CEBPZ: variants seen among roughly 807,000 people sequenced by gnomAD.
CEBPZ encodes CCAAT enhancer binding protein zeta, also known as CCAAT/enhancer-binding protein zeta.
CEBPZ carries 78 observed loss-of-function variants against 104.5 expected under a neutral mutation model. The observed-to-expected ratio is 0.75, with a 90% CI of 0.62 to 0.90. CEBPZ has a LOEUF of 0.90. CEBPZ is among the 40% of genes least tolerant of loss of function. The pLI, the probability that CEBPZ is intolerant of heterozygous loss-of-function variation, is 0.00. For missense variants in CEBPZ, 1,439 were observed against 1,233.5 expected (o/e 1.17, Z -2.50); for synonymous variants, 470 against 427.0 (o/e 1.10, Z -1.24).
chr2:37,225,056 AAACAAACAAACAAACT>A (rs1395952141), intron 2 of CEBPZ, among the ~76,000 whole-genome samples: 3 of 152,158 alleles, frequency 2.0e-5, no homozygotes, highest in Non-Finnish European at 4.4e-5. Context: ...ACAAACAAAC[AAACAAACAAACAAACT>A]AACAAAAACA....
chr2:37,222,756 C>G (rs1171526212), intron 3 of CEBPZ, among the ~76,000 whole-genome samples, 193 bp from the exon 4 acceptor site: 1 of 152,158 alleles, frequency 6.6e-6, no homozygotes, highest in Non-Finnish European at 1.5e-5. Context: ...CTAAACATAA[C>G]ACAGTTAAGT....
intron 13 of CEBPZ, among the ~76,000 whole-genome samples, chr2:37,207,801 A>G (rs1247451297): frequency 6.6e-6 from 1 of 152,208 alleles, no homozygotes; most frequent in Non-Finnish European, 1.5e-5. Context: ...AATAACAAAT[A>G]TCAGAGCAGA....
chr2:37,204,134 T>C (rs1466306735), intron 13 of CEBPZ: 1 of 152,152 alleles, frequency 6.6e-6, no homozygotes, highest in African/African-American at 2.4e-5. Context: ...TTTTTTTGGG[T>C]TTTATTCATC....
At chr2:37,217,087 G>T in intron 5 of CEBPZ, 50 bp from the exon 6 acceptor site, 1 of 1,466,448 alleles carries the variant, frequency 6.8e-7, no homozygotes, top group South Asian at 1.1e-5. Flanking sequence ...TCGACTCTTA[G>T]TACATTTATA....
In CEBPZ at chr2:37,228,221, G is replaced by C. The variant is rs1558478795; in HGVS notation, c.972C>G (p.Asp324Glu). ...KLEQLSSGNK[D>E]SRDRRLILWY... ...ATAATATCAGTCTTCTATCTCTTGA[G>C]TCCTTGTTGCCACTGGACAACTGTT... Residue 324 changes from aspartate to glutamate, a missense_variant, in exon 2 of 16, where the codon GAC becomes GAG. Physicochemically the swap from Asp to Glu is conservative, Grantham distance 45. Transcript: ENST00000234170. The C allele has an allele frequency of 1.9e-6, 3 of 1,614,178 alleles. No homozygotes were observed. Among genetic ancestry groups the C allele is most frequent in the Non-Finnish European group, 2.5e-6 (3 of 1,180,034 alleles).
chr2:37,223,067 G>T, intron 3 of CEBPZ, 103 bp downstream of exon 3: 1 of 904,608 alleles, frequency 1.1e-6, no homozygotes, highest in Non-Finnish European at 1.7e-6. Flanking sequence ...ACACTCATAT[G>T]CTCCAGAGAA....
chr2:37,201,914 A>G lies in CEBPZ; in HGVS notation c.3026-11T>C, dbSNP rs777894653. 8.7e-6 allele frequency: 14 copies of G among 1,610,872 alleles called. No homozygotes were observed. The South Asian group carries it at 1.4e-4, about 17-fold the overall frequency. Reference sequence around the variant, plus strand: ...TAAGCTGTTTGAGACCTTTGAGAGAAGAAGAAAAGATGAGTGTACTACCAC... The same window carrying G: ...TAAGCTGTTTGAGACCTTTGAGAGAGGAAGAAAAGATGAGTGTACTACCAC... On this transcript the variant is annotated splice_polypyrimidine_tract_variant and intron_variant, in intron 15 of 15. Transcript: ENST00000234170.
chr2:37,227,551 A>G lies in CEBPZ; in HGVS notation c.1642T>C (p.Leu548=). 6.2e-7 allele frequency: 1 copy of G among 1,606,696 alleles called. No individual in the cohort carries two copies. Among genetic ancestry groups the G allele is most frequent in the Non-Finnish European group, 8.5e-7 (1 of 1,176,486 alleles). Residue 548 remains leucine (L), a synonymous_variant, in exon 2 of 16, where the codon TTA becomes CTA. Transcript: ENST00000234170. ...GGAAGGGTATGTTCTTACCTGTATA[A>G]TGCTGTGTAATATCGATCCGATATT... is the stretch of plus-strand genomic sequence containing the variant. The part of the protein sequence containing the change: ...QTISDRYYTA[L]YRKMLDPGLM...
chr2:37,229,040 C>A lies in CEBPZ; in HGVS notation c.157-4G>T. On this transcript the variant is annotated splice_region_variant and splice_polypyrimidine_tract_variant and intron_variant, in intron 1 of 15. Transcript: ENST00000234170. ...TAGCCAGCATAAGGTAATCTTGCTGCATTAAAAACATAAGTTAAAAATACA... is the reference window on the plus strand; with the variant it reads ...TAGCCAGCATAAGGTAATCTTGCTGAATTAAAAACATAAGTTAAAAATACA... 1 of 1,493,610 alleles carries A rather than the reference C, an allele frequency of 6.7e-7. No individual in the cohort carries two copies. Among genetic ancestry groups the A allele is most frequent in the South Asian group, 1.4e-5 (1 of 70,126 alleles). 92.5% of individuals were successfully genotyped at this position (1,493,610 alleles called of 1,614,324 possible).
chr2:37,204,751 C>CT (rs1657517798), intron 13 of CEBPZ: 1 of 152,184 alleles, frequency 6.6e-6, no homozygotes, highest in South Asian at 2.1e-4. Flanking sequence ...TTCCTTGCCT[C>CT]TTTTTGTTTC....
chr2:37,223,780 T>C (rs940506153), intron 2 of CEBPZ, among the ~76,000 whole-genome samples: 2 of 152,130 alleles, frequency 1.3e-5, no homozygotes, highest in Non-Finnish European at 2.9e-5. Context: ...CATTAGAAGA[T>C]TTGGGTTTTT....
chr2:37,222,721 AAG>A (rs1208724804), intron 3 of CEBPZ, among the ~76,000 whole-genome samples, 158 bp from the exon 4 acceptor site: 1 of 152,258 alleles, frequency 6.6e-6, no homozygotes, highest in Admixed American at 6.5e-5. Context: ...GTATTTAAAC[AAG>A]AGAGGAGATT....
At chr2:37,227,394 G>A in intron 2 of CEBPZ, 150 bp downstream of exon 2, 1 of 576,468 alleles carries the variant, frequency 1.7e-6, no homozygotes, top group Non-Finnish European at 2.9e-6. Context: ...AAGATTAAGT[G>A]ACTTACTTGA....
chr2:37,227,515 T>C, intron 2 of CEBPZ, 29 bp downstream of exon 2: 9 of 1,553,246 alleles, frequency 5.8e-6, no homozygotes, highest in Non-Finnish European at 7.8e-6. Context: ...TATTATTTCA[T>C]GTCTCATATT....
At chr2:37,205,769 T>C (rs1419078813) in intron 13 of CEBPZ, among the ~76,000 whole-genome samples, 1 of 152,246 alleles carries the variant, frequency 6.6e-6, no homozygotes, top group African/African-American at 2.4e-5. Flanking sequence ...ATCAAAAATC[T>C]TAAGACTGTC....
Position 37,212,025 on chromosome 2 carries a change from C to G in CEBPZ, c.2618G>C (p.Arg873Thr), listed in dbSNP as rs1335792021. The change falls in exon 12 of 16, where the codon AGA becomes ACA. Residue 873 changes from arginine (R) to threonine (T), a missense_variant. Physicochemically the swap from Arg to Thr is moderately conservative, Grantham distance 71. Transcript: ENST00000234170. ...DMDFAGNVKK[R>T]TKGAKDNTLD... ...TGTGTTATCCTTAGCTCCTTTTGTT[C>G]TCTTTTTCACGTTTCTGGAAAAAAA... The G allele has an allele frequency of 1.9e-6, 3 of 1,580,486 alleles. No individual in the cohort carries two copies. The highest frequency in any genetic ancestry group is 2.6e-6 in the Non-Finnish European group (3 of 1,170,018).
At chr2:37,223,711 A>AC (rs1363356551) in intron 2 of CEBPZ, among the ~76,000 whole-genome samples, 1 of 152,128 alleles carries the variant, frequency 6.6e-6, no homozygotes, top group African/African-American at 2.4e-5. Flanking sequence ...TATTTACAGA[A>AC]CCCCACCAGA....
Position 37,228,869 on chromosome 2 carries a change from A to G in CEBPZ, c.324T>C (p.Ala108=). ...KASLVEEDEP[A]EKENSSKKEV... ...CTTTTTTGCTGGAATTTTCTTTTTC[A>G]GCTGGTTCATCTTCTTCAACTAAGG... Residue 108 remains alanine (A), a synonymous_variant, in exon 2 of 16, where the codon GCT becomes GCC. Transcript: ENST00000234170. 6.3e-7 allele frequency: 1 copy of G among 1,599,542 alleles called. No homozygotes were observed. Among genetic ancestry groups the G allele is most frequent in the Non-Finnish European group, 8.5e-7 (1 of 1,176,404 alleles).
rs753378517 is a variant in CEBPZ, at chr2:37,228,819, T to A, written c.374A>T (p.Asn125Ile). Residue 125 changes from asparagine (N) to isoleucine (I), a missense_variant, in exon 2 of 16, where the codon AAT (asparagine) becomes ATT (isoleucine). Transcript: ENST00000234170. The stretch of plus-strand genomic sequence containing the variant: ...CCTTTGACTTTCTGCTGTATTTTTA[T>A]TATTTATTTTAGGTATTTTTACTTC... Reference protein sequence around the residue: ...KKEVKIPKINNKNTAESQRTS... With the variant: ...KKEVKIPKINIKNTAESQRTS... The A allele has an allele frequency of 1.9e-6, 3 of 1,601,578 alleles. No homozygotes were observed. Among genetic ancestry groups the A allele is most frequent in the Middle Eastern group, 1.7e-4 (1 of 5,974 alleles).
Sources: allele counts gnomAD v4.1 joint callset (sites outside exome capture counted in the v4.1 genomes callset), GRCh38; gene constraint gnomAD v4.1.1; transcripts MANE v1.5; gene names NCBI Gene and HGNC (gene_info 2026-07-23, HGNC 2026-07-21).